ATP2B2: variants seen among roughly 807,000 people sequenced by gnomAD.
The protein encoded by ATP2B2 is plasma membrane calcium-transporting ATPase 2.
Under a neutral mutation model 120.0 loss-of-function variants are expected in ATP2B2, and 15 were observed. The observed-to-expected ratio is 0.12, with a 90% CI of 0.08 to 0.19. The LOEUF is 0.19. Ranked by LOEUF, ATP2B2 falls within the 10% of genes least tolerant of loss-of-function variation. The pLI is 1.00. For synonymous variants in ATP2B2, 694 were observed against 700.3 expected (o/e 0.99, Z 0.14); for missense variants, 1,045 against 1,719.8 (o/e 0.61, Z 6.94).
chr3:10,437,235 C>G (rs547449763), intron 2 of ATP2B2, among the ~76,000 whole-genome samples: 1 of 51,824 alleles, frequency 1.9e-5, no homozygotes, highest in Admixed American at 2.5e-4. Flanking sequence ...GCTTCTTAAC[C>G]TATATAATGA....
chr3:10,671,897 A>G (rs903692480), intron 1 of ATP2B2, among the ~76,000 whole-genome samples: 3 of 152,224 alleles, frequency 2.0e-5, no homozygotes, highest in Non-Finnish European at 2.9e-5. Flanking sequence ...TAAAATCACC[A>G]TGATGCCATA....
At chr3:10,363,977 C>A (rs1009890256) in intron 12 of ATP2B2, among the ~76,000 whole-genome samples, 1 of 152,174 alleles carries the variant, frequency 6.6e-6, no homozygotes, top group African/African-American at 2.4e-5. Context: ...TGGACACAAC[C>A]AACGTGTCCA....
chr3:10,432,845 C>T (rs991294425), intron 2 of ATP2B2, among the ~76,000 whole-genome samples: 15 of 152,076 alleles, frequency 9.9e-5, no homozygotes, highest in South Asian at 2.1e-4. Context: ...TATAAGGAGG[C>T]GGTGGAGAGG....
In ATP2B2 at chr3:10,638,133, C is replaced by T. The variant is rs189844026; in HGVS notation, c.-459-18172G>A. On this transcript the variant is annotated intron_variant, in intron 1 of 21. Transcript: ENST00000646379. ...ACCAACAGAACTGTACTATAAGAAA[C>T]GTTAAAGCAAGTCTTTCAGACAAAA... Among the ~76,000 whole-genome samples the T allele has an allele frequency of 8.5e-4, 130 of 152,092 alleles. 1 individual carries two copies. Among genetic ancestry groups the T allele is most frequent in the African/African-American group, 2.8e-3 (118 of 41,490 alleles).
At chr3:10,691,822 A>G (rs1037716881) in intron 1 of ATP2B2, among the ~76,000 whole-genome samples, 11 of 152,142 alleles carry the variant, frequency 7.2e-5, no homozygotes, top group African/African-American at 2.7e-4. Context: ...TGAACACCAT[A>G]TTTCCATAGT....
chr3:10,344,132 C>A (rs903060932), intron 18 of ATP2B2, among the ~76,000 whole-genome samples: 4 of 152,116 alleles, frequency 2.6e-5, no homozygotes, highest in African/African-American at 7.2e-5. Context: ...CCACCCCGGG[C>A]TTTCTCTAAT....
At chr3:10,621,535 C>T (rs568584971) in intron 1 of ATP2B2, among the ~76,000 whole-genome samples, 4 of 152,370 alleles carry the variant, frequency 2.6e-5, no homozygotes, top group African/African-American at 9.6e-5. Context: ...GCAGCGGCCA[C>T]ACAGCCAGGG....
rs753392215 is a variant in ATP2B2, at chr3:10,342,800, C to T, written c.2869G>A (p.Gly957Ser). 1.2e-6 allele frequency: 2 copies of T among 1,614,052 alleles called. No individual in the cohort carries two copies. Among genetic ancestry groups the T allele is most frequent in the Non-Finnish European group, 8.5e-7 (1 of 1,180,020 alleles). Residue 957 changes from glycine to serine, a missense_variant, in exon 19 of 23, where the codon GGC (glycine) becomes AGC (serine). Coordinates refer to ENST00000360273, the MANE Select transcript of ATP2B2 (RefSeq NM_001001331.4). This position sits in a 1 kb window ranked among gnomAD's most constrained non-coding sequence, Gnocchi z 4.4. The stretch of plus-strand genomic sequence containing the variant: ...AGGGCAAGCTGGTAGACAGCATGGC[C>T]CAGGATGTTCTTCATCATGGTCCTG... ...ISRTMMKNIL[G>S]HAVYQLALIF...
At chr3:10,583,164 A>G (rs2068430271) in intron 2 of ATP2B2, among the ~76,000 whole-genome samples, 1 of 152,222 alleles carries the variant, frequency 6.6e-6, no homozygotes, top group African/African-American at 2.4e-5. Flanking sequence ...TAGACTGTGC[A>G]GCATCTTGAA....
At chr3:10,513,500 A>G (rs1487479587) in intron 3 of ATP2B2, among the ~76,000 whole-genome samples, 1 of 152,102 alleles carries the variant, frequency 6.6e-6, no homozygotes, top group Non-Finnish European at 1.5e-5. Flanking sequence ...CCCGAAGATG[A>G]ACACGAAGCC....
At chr3:10,522,064 G>A (rs972640321) in intron 3 of ATP2B2, among the ~76,000 whole-genome samples, 1 of 152,152 alleles carries the variant, frequency 6.6e-6, no homozygotes, top group Non-Finnish European at 1.5e-5. Context: ...AAAGACAAGG[G>A]GGATTATGTG....
chr3:10,528,778 G>A (rs138756244), intron 3 of ATP2B2, among the ~76,000 whole-genome samples: 29 of 152,300 alleles, frequency 1.9e-4, no homozygotes, highest in African/African-American at 3.6e-4. Context: ...GACTTCCTTC[G>A]CTTCCCAGCC....
At chr3:10,701,512 C>T (rs1161566322) in intron 1 of ATP2B2, among the ~76,000 whole-genome samples, 1 of 152,160 alleles carries the variant, frequency 6.6e-6, no homozygotes, top group South Asian at 2.1e-4. Context: ...GTGGTTGTAC[C>T]CATCGTTGTT....
Position 10,329,595 on chromosome 3 carries a change from T to C in ATP2B2, c.3421-470A>G, listed in dbSNP as rs2059925907. Among the ~76,000 whole-genome samples the C allele has an allele frequency of 6.6e-6, 1 of 151,928 alleles. No individual in the cohort carries two copies. The highest frequency in any genetic ancestry group is 2.4e-5 in the African/African-American group (1 of 41,312). ...AAAACCACACACAGTTAAGAAACCA[T>C]ACAACATGGAACATGTTACGTGTCA... On this transcript the variant is annotated intron_variant, in intron 22 of 22. Coordinates refer to ENST00000360273, the MANE Select transcript of ATP2B2 (RefSeq NM_001001331.4). This position sits in a 1 kb window ranked among gnomAD's most constrained non-coding sequence, Gnocchi z 5.9.
intron 1 of ATP2B2, among the ~76,000 whole-genome samples, chr3:10,471,904 C>A (rs745887951): frequency 6.6e-6 from 1 of 151,502 alleles, no homozygotes. Flanking sequence ...CACGGTGAAA[C>A]CCCGTCTCTA....
intron 1 of ATP2B2, among the ~76,000 whole-genome samples, chr3:10,486,887 T>C (rs2065699845): frequency 6.6e-6 from 1 of 152,058 alleles, no homozygotes; most frequent in Non-Finnish European, 1.5e-5. Context: ...ACCCAGCTAA[T>C]TTTTGTATTT....
At chr3:10,423,929 C>T (rs1468421537) in intron 2 of ATP2B2, among the ~76,000 whole-genome samples, 1 of 152,178 alleles carries the variant, frequency 6.6e-6, no homozygotes, top group Non-Finnish European at 1.5e-5. Context: ...GCGCCCAGAG[C>T]CTGGGTGGAA....
chr3:10,541,359 A>G (rs1003867449), intron 2 of ATP2B2, among the ~76,000 whole-genome samples: 4 of 152,044 alleles, frequency 2.6e-5, no homozygotes, highest in Non-Finnish European at 5.9e-5. Context: ...GTAGGGGCTT[A>G]GATTGTTGAT....
At position 10,399,215 on chromosome 3, in the gene ATP2B2, C is replaced by T. The variant is rs892838613; in HGVS notation, c.781+1738G>A. ...GCTCTGTCTGTCAACCACTTCATCC[C>T]GGAGGGCAGGACCAGGGCCACAGGG... On this transcript the variant is annotated intron_variant, in intron 5 of 22. Coordinates refer to ENST00000360273, the MANE Select transcript of ATP2B2 (RefSeq NM_001001331.4). 6.6e-5 allele frequency among the ~76,000 whole-genome samples: 10 copies of T among 152,208 alleles called. No homozygotes were observed. The East Asian group carries it at 9.6e-4, about 15-fold the overall frequency.
Sources: allele counts gnomAD v4.1 joint callset (sites outside exome capture counted in the v4.1 genomes callset), GRCh38; gene constraint gnomAD v4.1.1; non-coding constraint Gnocchi (gnomAD v3.1); transcripts MANE v1.5; gene names NCBI Gene and HGNC (gene_info 2026-07-23, HGNC 2026-07-21).